TEX15: variants seen among roughly 807,000 people sequenced by gnomAD.
TEX15 encodes the protein testis-expressed protein 15.
TEX15 carries 171 observed loss-of-function variants against 237.3 expected under a neutral mutation model. The ratio of observed to expected loss-of-function variants is 0.72; its 90% confidence interval spans 0.64 to 0.82. The LOEUF (loss-of-function observed/expected upper bound fraction) is 0.82, where lower values mean the gene tolerates loss of function less well. TEX15 is among the 40% of genes least tolerant of loss of function. The probability of loss-of-function intolerance (pLI) is 0.00; values close to 1 mark genes in which losing one functional copy is unlikely to be tolerated. For missense variants in TEX15, 3,750 were observed against 3,646.5 expected (o/e 1.03, Z -0.73); for synonymous variants, 1,338 against 1,269.8 (o/e 1.05, Z -1.14).
At chr8:30,859,803 T>C (rs1054290161) in intron 6 of TEX15, 108 bp downstream of exon 6, 3 of 851,156 alleles carry the variant, frequency 3.5e-6, no homozygotes, top group African/African-American at 1.8e-5. Context: ...TAAGATATTA[T>C]ATTGAACGAA....
At chr8:30,910,954 G>A (rs1228439793) in intron 1 of TEX15, among the ~76,000 whole-genome samples, 4 of 152,032 alleles carry the variant, frequency 2.6e-5, no homozygotes, top group African/African-American at 9.7e-5. Context: ...TCTAAATACT[G>A]ATTTCACTCC....
Position 30,845,569 on chromosome 8 carries a change from T to C in TEX15, c.4598A>G (p.Tyr1533Cys). Residue 1533 changes from tyrosine to cysteine, a missense_variant, in exon 8 of 11, where the codon TAT (tyrosine) becomes TGT (cysteine). Tyr to Cys is a radical substitution (Grantham distance 194). Coordinates refer to ENST00000643185, the MANE Select transcript of TEX15 (RefSeq NM_001350162.2). ...STSQSTSQSV[Y>C]YNSSVSNPSL... ...TGGATTGCTTACACTGCTATTATAA[T>C]AAACTGACTGACTTGTACTTTGGGA... 6.2e-7 allele frequency: 1 copy of C among 1,613,694 alleles called. No individual in the cohort carries two copies. The highest frequency in any genetic ancestry group is 8.5e-7 in the Non-Finnish European group (1 of 1,179,652).
chr8:30,860,138 G>A, intron 5 of TEX15, 81 bp from the exon 6 acceptor site: 8 of 1,201,686 alleles, frequency 6.7e-6, no homozygotes, highest in Non-Finnish European at 8.9e-6. Flanking sequence ...AACATAAAAG[G>A]CTAACATTGC....
Position 30,907,404 on chromosome 8 carries a change from T to C in TEX15, c.-86+5475A>G, listed in dbSNP as rs536345290. On this transcript the variant is annotated intron_variant, in intron 1 of 10. Transcript: ENST00000643185. ...CCTCAGCCTCTTGAGTATCTAGGAC[T>C]ACAGGCGCATGCCAGGATGCCTGGC... Among the ~76,000 whole-genome samples, 10 of 151,112 alleles carry C rather than the reference T, an allele frequency of 6.6e-5. 1 individual carries two copies. In the South Asian group the frequency reaches 2.1e-3, roughly 31 times the overall value.
intron 7 of TEX15, among the ~76,000 whole-genome samples, chr8:30,852,803 T>C (rs948045156): frequency 6.6e-6 from 1 of 152,212 alleles, no homozygotes; most frequent in East Asian, 1.9e-4. Flanking sequence ...TAAAGTACAC[T>C]ACCAAATAGT....
At position 30,845,866 on chromosome 8, in the gene TEX15, G is replaced by C; in HGVS notation, c.4301C>G (p.Ser1434Cys). The change falls in exon 8 of 11, where the codon TCT becomes TGT. Residue 1434 changes from serine to cysteine, a missense_variant. Ser to Cys is a moderately radical substitution (Grantham distance 112). Coordinates refer to ENST00000643185, the MANE Select transcript of TEX15 (RefSeq NM_001350162.2). ...WESCDLQGYS[S>C]VSQRKYYSTK... ...AGAATAATATTTTCTTTGAGACACAGAACTATAACCTTGAAGGTCACAACT... is the reference window on the plus strand; with the variant it reads ...AGAATAATATTTTCTTTGAGACACACAACTATAACCTTGAAGGTCACAACT... 6.2e-7 allele frequency: 1 copy of C among 1,612,738 alleles called. No homozygotes were observed. Among genetic ancestry groups the C allele is most frequent in the Non-Finnish European group, 8.5e-7 (1 of 1,179,502 alleles).
chr8:30,853,349 T>C (rs1189991844), intron 7 of TEX15, among the ~76,000 whole-genome samples: 1 of 152,188 alleles, frequency 6.6e-6, no homozygotes, highest in Non-Finnish European at 1.5e-5. Context: ...TAACAGCCTA[T>C]GGAACACCCT....
rs368290896 is a variant in TEX15, at chr8:30,857,397, T to C, written c.850+1271A>G. Among the ~76,000 whole-genome samples the C allele has an allele frequency of 2.0e-5, 3 of 152,220 alleles. No individual in the cohort carries two copies. In the East Asian group the frequency reaches 5.8e-4, roughly 29 times the overall value. ...GAAAAGTATTCTTATGAAAGACACATGTAGTAGTACTTAAAAAGACATATC... is the reference window on the plus strand; with the variant it reads ...GAAAAGTATTCTTATGAAAGACACACGTAGTAGTACTTAAAAAGACATATC... On this transcript the variant is annotated intron_variant, in intron 7 of 10. Transcript: ENST00000643185.
chr8:30,867,522 G>C lies in TEX15; in HGVS notation c.303-20C>G. The stretch of plus-strand genomic sequence containing the variant: ...TCTGACCTAAAGTAAAACAAACAAT[G>C]TATACAGTTAAAGATAAATATCAAC... On this transcript the variant is annotated intron_variant, in intron 4 of 10. Transcript: ENST00000643185. The C allele has an allele frequency of 7.1e-7, 1 of 1,402,966 alleles. No homozygotes were observed. The highest frequency in any genetic ancestry group is 9.7e-7 in the Non-Finnish European group (1 of 1,028,122). 86.9% of individuals were successfully genotyped at this position (1,402,966 alleles called of 1,614,324 possible). A position where few individuals can be genotyped will look rare whatever the true frequency, so the allele number is the denominator to read the frequency against.
intron 1 of TEX15, among the ~76,000 whole-genome samples, chr8:30,900,967 G>A (rs1585316705): frequency 6.6e-6 from 1 of 152,102 alleles, no homozygotes; most frequent in African/African-American, 2.4e-5. Flanking sequence ...AGACCAGCTC[G>A]GGCAACATAG....
At chr8:30,858,096 C>CCT (rs1410745649) in intron 7 of TEX15, among the ~76,000 whole-genome samples, 1 of 152,090 alleles carries the variant, frequency 6.6e-6, no homozygotes, top group Admixed American at 6.5e-5. Flanking sequence ...GCCCAAACAT[C>CCT]CTCAGTAGGA....
chr8:30,876,108 G>A (rs1381459892), intron 3 of TEX15, among the ~76,000 whole-genome samples: 1 of 152,144 alleles, frequency 6.6e-6, no homozygotes, highest in African/African-American at 2.4e-5. Flanking sequence ...GAGCCACTGT[G>A]CTGATCCTGG....
At chr8:30,852,743 C>T (rs1262446562) in intron 7 of TEX15, among the ~76,000 whole-genome samples, 1 of 151,986 alleles carries the variant, frequency 6.6e-6, no homozygotes, top group East Asian at 1.9e-4. Context: ...CCCAACAAAT[C>T]CAACATCTTC....
At position 30,837,030 on chromosome 8, in the gene TEX15, T is replaced by G. The variant is rs1385080751; in HGVS notation, c.9254A>C (p.Gln3085Pro). The G allele has an allele frequency of 6.2e-7, 1 of 1,614,180 alleles. No individual in the cohort carries two copies. Residue 3085 changes from glutamine (Q) to proline (P), a missense_variant, in exon 10 of 11, where the codon CAG (glutamine) becomes CCG (proline). Gln to Pro is a moderately conservative substitution (Grantham distance 76, BLOSUM62 -1). Coordinates refer to ENST00000643185, the MANE Select transcript of TEX15 (RefSeq NM_001350162.2). ...GTACAGAAGATTAGAATGTGTGCCC[T>G]GGGCAGTACTTGCAACTGTGGTCAA... is the stretch of plus-strand genomic sequence containing the variant. ...GLLTTVASTAQGTHSNLLYSQ... is the reference protein window; with the variant it reads ...GLLTTVASTAPGTHSNLLYSQ...
intron 9 of TEX15, among the ~76,000 whole-genome samples, chr8:30,839,413 C>A (rs1228372138): frequency 6.8e-6 from 1 of 146,038 alleles, no homozygotes; most frequent in Admixed American, 6.9e-5. Context: ...ATTTGCCATT[C>A]TTCAAAATGC....
At chr8:30,893,671 C>T (rs1253129237) in intron 2 of TEX15, among the ~76,000 whole-genome samples, 2 of 152,180 alleles carry the variant, frequency 1.3e-5, no homozygotes, top group East Asian at 1.9e-4. Flanking sequence ...TCTCTCAGCA[C>T]TCTCAAGATG....
chr8:30,868,383 C>T (rs542894387), intron 4 of TEX15, among the ~76,000 whole-genome samples: 5 of 152,056 alleles, frequency 3.3e-5, no homozygotes, highest in South Asian at 4.2e-4. Context: ...GTGGTTCAGA[C>T]ACTAGGGTCC....
At chr8:30,889,714 C>G (rs1808741853) in intron 2 of TEX15, among the ~76,000 whole-genome samples, 1 of 151,924 alleles carries the variant, frequency 6.6e-6, no homozygotes, top group East Asian at 1.9e-4. Context: ...GGAATAACGT[C>G]TCTTTAACTT....
intron 1 of TEX15, among the ~76,000 whole-genome samples, chr8:30,905,734 C>CAAAAAAAAAAAAAAA: frequency 2.0e-5 from 1 of 50,990 alleles, no homozygotes; most frequent in Non-Finnish European, 3.4e-5. Context: ...ACAAAAAATA[C>CAAAAAAAAAAAAAAA]AAAAAAAAAA....
Sources: allele counts gnomAD v4.1 joint callset (sites outside exome capture counted in the v4.1 genomes callset), GRCh38; gene constraint gnomAD v4.1.1; transcripts MANE v1.5; gene names NCBI Gene and HGNC (gene_info 2026-07-23, HGNC 2026-07-21).